GARRE1: variants seen among roughly 807,000 people sequenced by gnomAD.
GARRE1 encodes the protein granule associated Rac and RHOG effector protein 1.
Under a neutral mutation model 103.2 loss-of-function variants are expected in GARRE1, and 49 were observed. That is an observed-to-expected ratio of 0.47 (90% confidence interval 0.38 to 0.60). The LOEUF (loss-of-function observed/expected upper bound fraction) is 0.60. Ranked by LOEUF, GARRE1 falls within the 20% of genes least tolerant of loss-of-function variation. The pLI is 0.00. For synonymous variants in GARRE1, 505 were observed against 532.8 expected, an observed-to-expected ratio of 0.95 and a Z score of 0.72; for missense variants, 1,199 against 1,370.5, an observed-to-expected ratio of 0.87 and a Z score of 1.98.
intron 1 of GARRE1, among the ~76,000 whole-genome samples, chr19:34,272,444 C>T (rs1223571352): frequency 6.6e-6 from 1 of 152,084 alleles, no homozygotes; most frequent in Non-Finnish European, 1.5e-5. Flanking sequence ...GGTAATCCAC[C>T]CACCTTGGCC....
chr19:34,324,521 T>C (rs1370356156), intron 3 of GARRE1, among the ~76,000 whole-genome samples: 25 of 149,052 alleles, frequency 1.7e-4, no homozygotes, highest in Admixed American at 1.7e-3. Flanking sequence ...TTTTTTTTTT[T>C]GAGACTGGGT....
rs1267323261 is a variant in GARRE1 at position 34,353,974 on chromosome 19, A to G, written c.*1019A>G. ...AGTTAACATGTGCCATTAAATAGAT[A>G]ACATCCTGTGGATTTAGGGATATTT... On this transcript the variant is annotated 3_prime_UTR_variant, in exon 14 of 14. Transcript: ENST00000299505. 2 of 152,682 alleles carry G rather than the reference A, an allele frequency of 1.3e-5. No individual in the cohort carries two copies. The highest frequency in any genetic ancestry group is 4.8e-5 in the African/African-American group (2 of 41,470). 9.5% of individuals were successfully genotyped at this position (152,682 alleles called of 1,614,324 possible).
chr19:34,316,648 T>A (rs538544305), intron 2 of GARRE1, among the ~76,000 whole-genome samples: 3 of 152,246 alleles, frequency 2.0e-5, no homozygotes, highest in Non-Finnish European at 2.9e-5. Flanking sequence ...AGATATCTGA[T>A]GAAACAGCTG....
rs1034235399 is a variant in GARRE1 at position 34,298,453 on chromosome 19, C to A, written c.-795-1226C>A. Among the ~76,000 whole-genome samples the A allele has an allele frequency of 1.1e-4, 17 of 150,318 alleles. No homozygotes were observed. In the East Asian group the frequency reaches 3.4e-3, roughly 30 times the overall value. On this transcript the variant is annotated intron_variant, in intron 1 of 13. Coordinates refer to ENST00000299505, the MANE Select transcript of GARRE1 (RefSeq NM_014686.5). The stretch of plus-strand genomic sequence containing the variant: ...GTTGGCCAGGCGCAGTGGCTCAGGC[C>A]TGTAATCCCAGCACTTTGGGAGGCC...
chr19:34,283,830 C>CTTT (rs11335136), intron 1 of GARRE1, among the ~76,000 whole-genome samples: 47 of 117,188 alleles, frequency 4.0e-4, no homozygotes, highest in African/African-American at 6.5e-4. Context: ...TTCTTTCTTT[C>CTTT]TTTTTTTTTT....
At chr19:34,327,650 G>T (rs943011987) in intron 4 of GARRE1, 89 bp downstream of exon 4, 2 of 1,505,428 alleles carry the variant, frequency 1.3e-6, no homozygotes, top group East Asian at 2.3e-5. Context: ...ATTAGAAAGG[G>T]TTATAGAGTA....
intron 2 of GARRE1, among the ~76,000 whole-genome samples, chr19:34,314,733 A>T (rs571365745): frequency 6.6e-6 from 1 of 152,344 alleles, no homozygotes; most frequent in Non-Finnish European, 1.5e-5. Context: ...GCTGACTGCA[A>T]GGAGACTTTG....
chr19:34,279,090 G>A (rs1418915196), intron 1 of GARRE1, among the ~76,000 whole-genome samples: 3 of 152,058 alleles, frequency 2.0e-5, no homozygotes, highest in Middle Eastern at 3.2e-3. Context: ...ATAATGCTTC[G>A]GTGAACATGG....
Position 34,342,445 on chromosome 19 carries a change from T to C in GARRE1, c.2511T>C (p.Phe837=). 6.2e-7 allele frequency: 1 copy of C among 1,611,306 alleles called. No homozygotes were observed. Among genetic ancestry groups the C allele is most frequent in the Non-Finnish European group, 8.5e-7 (1 of 1,178,218 alleles). Residue 837 remains phenylalanine (F), a synonymous_variant, in exon 10 of 14, where the codon TTT becomes TTC. Coordinates refer to ENST00000299505, the MANE Select transcript of GARRE1 (RefSeq NM_014686.5). ...VFGMLGEILP[F]DPAVGSDPEF... is the part of the protein sequence containing the mutation. ...GAATGCTGGGAGAGATTCTGCCTTT[T>C]GATCCTGCAGGTATGTGAGGCCTCC... is the stretch of plus-strand genomic sequence containing the variant.
rs374662487 is a variant in GARRE1, at chr19:34,348,053, G to A, written c.2687+11G>A. The A allele has an allele frequency of 8.5e-6, 12 of 1,411,960 alleles. No individual in the cohort carries two copies. In the African/African-American group the frequency reaches 1.3e-4, roughly 16 times the overall value. The allele number at this position is 1,411,960 out of a possible 1,614,324, so 87.5% of individuals were successfully genotyped here. ...GTTCTTCACAGAAGGGTGAGTGCTGGGTACTTCAGGGAATCTGAGCTTGAG... is the reference window on the plus strand; with the variant it reads ...GTTCTTCACAGAAGGGTGAGTGCTGAGTACTTCAGGGAATCTGAGCTTGAG... On this transcript the variant is annotated intron_variant, in intron 11 of 13. Coordinates refer to ENST00000299505, the MANE Select transcript of GARRE1 (RefSeq NM_014686.5).
Position 34,327,850 on chromosome 19 carries a change from T to C in GARRE1, c.926T>C (p.Ile309Thr). The C allele has an allele frequency of 1.9e-6, 3 of 1,614,198 alleles. No homozygotes were observed. Among genetic ancestry groups the C allele is most frequent in the Non-Finnish European group, 2.5e-6 (3 of 1,180,020 alleles). The change falls in exon 5 of 14, where the codon ATT becomes ACT. Residue 309 changes from isoleucine to threonine, a missense_variant. Transcript: ENST00000299505. ...GGCTTCCACCTGAATCCAAAGGCGA[T>C]TGAAGCAAGTTTGCAGGTACACTTT... ...KAGFHLNPKA[I>T]EASLQGCCSE...
chr19:34,310,598 CCCAG>C (rs1380572173), intron 2 of GARRE1, among the ~76,000 whole-genome samples: 1 of 152,230 alleles, frequency 6.6e-6, no homozygotes, highest in African/African-American at 2.4e-5. Flanking sequence ...TTCCTCTTCT[CCCAG>C]CTGAGCCACC....
chr19:34,346,269 T>C (rs1199972822), intron 10 of GARRE1, among the ~76,000 whole-genome samples: 1 of 152,220 alleles, frequency 6.6e-6, no homozygotes. Context: ...CATATGTTTT[T>C]TTTGACACTT....
chr19:34,262,287 C>CTTTTTT lies in GARRE1; in HGVS notation c.-796+7696_-796+7701dup, dbSNP rs1018456778. Among the ~76,000 whole-genome samples the CTTTTTT allele has an allele frequency of 1.5e-3, 52 of 35,762 alleles. 16 individuals carry two copies. The highest frequency in any genetic ancestry group is 2.2e-3 in the African/African-American group (21 of 9,518). The allele number at this position is 35,762 out of a possible 152,430, so 23.5% of individuals were successfully genotyped here. ...AGTGAGCCACCATGCCCAGCTGCTG[C>CTTTTTT]TTTTTTTTTTTTTTTTTTTTTTTTT... On this transcript the variant is annotated intron_variant, in intron 1 of 13. Coordinates refer to ENST00000299505, the MANE Select transcript of GARRE1 (RefSeq NM_014686.5).
chr19:34,261,013 C>T (rs1437700562), intron 1 of GARRE1, among the ~76,000 whole-genome samples: 1 of 152,172 alleles, frequency 6.6e-6, no homozygotes, highest in Admixed American at 6.5e-5. Flanking sequence ...AGCAGTGCAG[C>T]GTTCCCTCCA....
intron 1 of GARRE1, among the ~76,000 whole-genome samples, chr19:34,288,379 A>G (rs1316130425): frequency 1.3e-5 from 2 of 152,158 alleles, no homozygotes; most frequent in Non-Finnish European, 2.9e-5. Flanking sequence ...TTCAGTTTCC[A>G]TACATACAAG....
At position 34,279,858 on chromosome 19, in the gene GARRE1, G is replaced by A. The variant is rs973159066; in HGVS notation, c.-795-19821G>A. ...AAATTAGCCGGGCGTAGTGGCGGGC[G>A]CCTGTAGTCCCAGCTACTTGGGAGG... On this transcript the variant is annotated intron_variant, in intron 1 of 13. Coordinates refer to ENST00000299505, the MANE Select transcript of GARRE1 (RefSeq NM_014686.5). Among the ~76,000 whole-genome samples, 40 of 150,568 alleles carry A rather than the reference G, an allele frequency of 2.7e-4. No homozygotes were observed. The South Asian group carries it at 3.0e-3, about 11-fold the overall frequency.
At chr19:34,269,847 G>C (rs2073775882) in intron 1 of GARRE1, among the ~76,000 whole-genome samples, 1 of 152,198 alleles carries the variant, frequency 6.6e-6, no homozygotes, top group Non-Finnish European at 1.5e-5. Flanking sequence ...ATGTCTTCAA[G>C]TGAACATGCT....
chr19:34,340,685 G>A (rs2074181645), intron 9 of GARRE1, among the ~76,000 whole-genome samples: 1 of 152,008 alleles, frequency 6.6e-6, no homozygotes, highest in African/African-American at 2.4e-5. Flanking sequence ...TGTACGCCCA[G>A]CTAATTTTTG....
Sources: allele counts gnomAD v4.1 joint callset (sites outside exome capture counted in the v4.1 genomes callset), GRCh38; gene constraint gnomAD v4.1.1; transcripts MANE v1.5; gene names NCBI Gene and HGNC (gene_info 2026-07-23, HGNC 2026-07-21).